The following HDAC4 variants were observed in gnomAD, a reference collection of about 807,000 sequenced individuals.
The protein encoded by HDAC4 is histone deacetylase 4, also known as histone deacetylase A.
HDAC4 carries 16 observed loss-of-function variants against 135.1 expected under a neutral mutation model. The observed-to-expected ratio is 0.12, with a 90% CI of 0.08 to 0.18. The LOEUF (loss-of-function observed/expected upper bound fraction) is 0.18. Ranked by LOEUF, HDAC4 falls within the 10% of genes least tolerant of loss-of-function variation. The probability of loss-of-function intolerance (pLI) is 1.00; values close to 1 mark genes in which losing one functional copy is unlikely to be tolerated. For synonymous variants in HDAC4, 685 were observed against 653.4 expected (o/e 1.05, Z -0.74); for missense variants, 1,143 against 1,511.8 (o/e 0.76, Z 4.05).
intron 5 of HDAC4, among the ~76,000 whole-genome samples, chr2:239,175,914 T>C (rs1487990612): frequency 6.6e-6 from 1 of 152,194 alleles, no homozygotes; most frequent in Non-Finnish European, 1.5e-5. Flanking sequence ...TGGATGAAGA[T>C]AAATCCATGG....
intron 13 of HDAC4, among the ~76,000 whole-genome samples, chr2:239,114,839 CAG>C (rs2038987468): frequency 1.3e-5 from 2 of 152,176 alleles, no homozygotes; most frequent in Admixed American, 6.5e-5. Context: ...TAACCACCCA[CAG>C]GGGGCAAACA....
Position 239,167,838 on chromosome 2 carries a change from G to A in HDAC4, c.491-3915C>T, listed in dbSNP as rs530875348. ...CGTTCTGGCCAGCAGAGATGAAGCGGTGGATAAAAGAGGCCAAGTTCTTCC... is the reference window on the plus strand; with the variant it reads ...CGTTCTGGCCAGCAGAGATGAAGCGATGGATAAAAGAGGCCAAGTTCTTCC... On this transcript the variant is annotated intron_variant, in intron 5 of 26. Coordinates refer to ENST00000543185, the MANE Select transcript of HDAC4 (RefSeq NM_001378414.1). This position sits in a 1 kb window ranked among gnomAD's most constrained non-coding sequence, Gnocchi z 4.1. Among the ~76,000 whole-genome samples, 1 of 152,176 alleles carries A rather than the reference G, an allele frequency of 6.6e-6. No homozygotes were observed. Among genetic ancestry groups the A allele is most frequent in the East Asian group, 1.9e-4 (1 of 5,164 alleles).
chr2:239,189,700 C>A, intron 4 of HDAC4, 133 bp downstream of exon 4: 1 of 821,974 alleles, frequency 1.2e-6, no homozygotes, highest in Non-Finnish European at 2.0e-6. Flanking sequence ...ACCGTCCCAA[C>A]GCAGAAGGCC....
At position 239,299,440 on chromosome 2, in the gene HDAC4, G is replaced by T. The variant is rs1212999890; in HGVS notation, c.22+53238C>A. Among the ~76,000 whole-genome samples, 1 of 152,210 alleles carries T rather than the reference G, an allele frequency of 6.6e-6. No homozygotes were observed. The highest frequency in any genetic ancestry group is 1.5e-5 in the Non-Finnish European group (1 of 68,048). On this transcript the variant is annotated intron_variant, in intron 2 of 26. Coordinates refer to ENST00000543185, the MANE Select transcript of HDAC4 (RefSeq NM_001378414.1). This position sits in a 1 kb window ranked among gnomAD's most constrained non-coding sequence, Gnocchi z 4.0. Reference sequence around the variant, plus strand: ...TGGGCTAATCTCAAGCAGATATTCTGATCCCCTCGCACAACCACGGCACTG... The same window carrying T: ...TGGGCTAATCTCAAGCAGATATTCTTATCCCCTCGCACAACCACGGCACTG...
At chr2:239,380,275 C>G (rs6543529) in intron 1 of HDAC4, among the ~76,000 whole-genome samples, 100,949 of 152,150 alleles carry the variant, frequency 0.66, 33,891 homozygotes, top group East Asian at 0.93. Flanking sequence ...TATGCACACA[C>G]ACGTCCGTGC....
At chr2:239,104,485 C>T (rs1217248282) in intron 15 of HDAC4, among the ~76,000 whole-genome samples, 2 of 152,228 alleles carry the variant, frequency 1.3e-5, no homozygotes, top group African/African-American at 4.8e-5. Context: ...CCGCCACGGC[C>T]TCCCAAAGTG....
chr2:239,315,803 C>A (rs1470656948), intron 2 of HDAC4, among the ~76,000 whole-genome samples: 2 of 152,140 alleles, frequency 1.3e-5, no homozygotes, highest in Non-Finnish European at 2.9e-5. Context: ...CGTACAAGCA[C>A]TCAAAGAAAA....
At position 239,053,471 on chromosome 2, in the gene HDAC4, G is replaced by A. The variant is rs375432624; in HGVS notation, c.3219C>T (p.Pro1073=). The A allele has an allele frequency of 1.4e-5, 23 of 1,613,086 alleles. No homozygotes were observed. The highest frequency in any genetic ancestry group is 4.0e-5 in the African/African-American group (3 of 74,956). ...GGGCAGGTGCTCACCTCTTTTCGGC[G>A]GGCTTCACGCCCACGGACAGCGAGG... ...AMASLSVGVK[P]AEKRPDEEPM... Residue 1073 remains proline, a synonymous_variant, in exon 26 of 27, where the codon CCC becomes CCT. Transcript: ENST00000543185.
intron 2 of HDAC4, among the ~76,000 whole-genome samples, chr2:239,278,005 C>CAGCCACACACTCCAGCCACACACCCG (rs1174418513): frequency 1.2e-3 from 184 of 152,182 alleles, no homozygotes; most frequent in Non-Finnish European, 2.3e-3. Context: ...CCACACACCC[C>CAGCCACACACTCCAGCCACACACCCG]AGCCACACAC....
At chr2:239,130,949 T>C (rs1473321621) in intron 11 of HDAC4, among the ~76,000 whole-genome samples, 1 of 152,224 alleles carries the variant, frequency 6.6e-6, no homozygotes, top group Non-Finnish European at 1.5e-5. Context: ...CACAGGGCTC[T>C]GCACAGACAC....
chr2:239,354,857 A>C (rs1417914844), intron 1 of HDAC4, among the ~76,000 whole-genome samples: 2 of 152,122 alleles, frequency 1.3e-5, no homozygotes, highest in African/African-American at 4.8e-5. Context: ...TATTTTTCAA[A>C]CCCTCACAAA....
chr2:239,282,057 C>A (rs1357937143), intron 2 of HDAC4, among the ~76,000 whole-genome samples: 49 of 139,728 alleles, frequency 3.5e-4, no homozygotes, highest in African/African-American at 9.9e-4. Flanking sequence ...TACAATTTAC[C>A]CACCACTCTA....
At chr2:239,160,108 A>G (rs1220340948) in intron 6 of HDAC4, among the ~76,000 whole-genome samples, 1 of 152,260 alleles carries the variant, frequency 6.6e-6, no homozygotes, top group African/African-American at 2.4e-5. Flanking sequence ...CTCCAGCAGA[A>G]ATGTACCATG....
chr2:239,198,929 A>G (rs2045577739), intron 3 of HDAC4, among the ~76,000 whole-genome samples: 3 of 152,192 alleles, frequency 2.0e-5, no homozygotes, highest in Non-Finnish European at 4.4e-5. Flanking sequence ...AGACTTCCAA[A>G]TCAAATGCCA....
chr2:239,346,324 C>T (rs987373976), intron 2 of HDAC4, among the ~76,000 whole-genome samples: 16 of 151,432 alleles, frequency 1.1e-4, no homozygotes, highest in African/African-American at 3.6e-4. Flanking sequence ...CACACGCATA[C>T]AGACCATACA....
chr2:239,224,378 T>G (rs900839902), intron 3 of HDAC4, among the ~76,000 whole-genome samples: 5 of 152,198 alleles, frequency 3.3e-5, no homozygotes, highest in Non-Finnish European at 7.3e-5. Flanking sequence ...ATACGTCACG[T>G]GGTGTCGCTT....
At chr2:239,127,343 T>G (rs2040263077) in intron 11 of HDAC4, among the ~76,000 whole-genome samples, 1 of 152,256 alleles carries the variant, frequency 6.6e-6, no homozygotes, top group African/African-American at 2.4e-5. Flanking sequence ...CTGTATGTTT[T>G]GATTAAAAGA....
intron 24 of HDAC4, chr2:239,055,137 C>T (rs533034870): frequency 3.5e-5 from 13 of 368,148 alleles, no homozygotes; most frequent in South Asian, 6.9e-5. Context: ...CTGCCATCGA[C>T]GCCACAGGGT....
Position 239,331,044 on chromosome 2 carries a change from C to T in HDAC4, c.22+21634G>A, listed in dbSNP as rs997442335. Among the ~76,000 whole-genome samples the T allele has an allele frequency of 6.6e-6, 1 of 151,754 alleles. No homozygotes were observed. Among genetic ancestry groups the T allele is most frequent in the African/African-American group, 2.4e-5 (1 of 41,046 alleles). On this transcript the variant is annotated intron_variant, in intron 2 of 26. Transcript: ENST00000543185. The surrounding 1 kb of genome is among the most constrained non-coding windows in gnomAD (Gnocchi z 4.5). Reference sequence around the variant, plus strand: ...TGCCTGACCTTGGCTGCCCGAAATTCGGAGTGGGGAGGAAGGCAGATATGC... The same window carrying T: ...TGCCTGACCTTGGCTGCCCGAAATTTGGAGTGGGGAGGAAGGCAGATATGC...
Sources: allele counts gnomAD v4.1 joint callset (sites outside exome capture counted in the v4.1 genomes callset), GRCh38; gene constraint gnomAD v4.1.1; non-coding constraint Gnocchi (gnomAD v3.1); transcripts MANE v1.5; gene names NCBI Gene and HGNC (gene_info 2026-07-23, HGNC 2026-07-21).